ARCN1: variants seen among roughly 807,000 people sequenced by gnomAD.
ARCN1 encodes the protein archain 1 coat protein complex I subunit delta.
ARCN1 carries 5 observed loss-of-function variants against 60.4 expected under a neutral mutation model. The observed-to-expected ratio is 0.08, with a 90% CI of 0.04 to 0.17. The LOEUF (loss-of-function observed/expected upper bound fraction) is 0.17. ARCN1 is among the 10% of genes least tolerant of loss of function. ARCN1 has a pLI of 1.00. For synonymous variants in ARCN1, 224 were observed against 220.0 expected (o/e 1.02, Z -0.16); for missense variants, 464 against 626.5 (o/e 0.74, Z 2.77).
At chr11:118,584,796 A>C (rs1283732593) in intron 5 of ARCN1, 152 bp downstream of exon 5, 1 of 757,730 alleles carries the variant, frequency 1.3e-6, no homozygotes, top group African/African-American at 1.8e-5. Context: ...ACATATTAAC[A>C]TAAGATCGTT....
chr11:118,579,543 C>A (rs900448842), intron 1 of ARCN1, among the ~76,000 whole-genome samples: 1 of 148,042 alleles, frequency 6.8e-6, no homozygotes, highest in South Asian at 2.2e-4. Context: ...AAAAAATTAG[C>A]CGGGCGTGGT....
chr11:118,581,132 A>C, intron 1 of ARCN1, 114 bp from the exon 2 acceptor site: 13 of 1,338,480 alleles, frequency 9.7e-6, no homozygotes, highest in Non-Finnish European at 1.4e-5. Context: ...AAATAATACT[A>C]CTACTAGTCA....
At chr11:118,593,895 T>C (rs1555076740) in intron 8 of ARCN1, 197 bp downstream of exon 8, 3 of 421,486 alleles carry the variant, frequency 7.1e-6, no homozygotes, top group African/African-American at 2.0e-5. Context: ...AAGGTAATAC[T>C]ATTGAATAAA....
intron 8 of ARCN1, among the ~76,000 whole-genome samples, chr11:118,596,066 C>CAA (rs545024182): frequency 7.7e-6 from 1 of 130,094 alleles, no homozygotes; most frequent in Non-Finnish European, 1.7e-5. Context: ...GATTCCGTCT[C>CAA]AAAAAAAAAA....
chr11:118,593,223 C>T (rs1938951308), intron 7 of ARCN1, among the ~76,000 whole-genome samples: 1 of 151,504 alleles, frequency 6.6e-6, no homozygotes, highest in Non-Finnish European at 1.5e-5. Context: ...GCACATGCCA[C>T]CACATCCAGC....
rs1443586381 is a variant in ARCN1 at position 118,600,610 on chromosome 11, T to G, written c.1447-15T>G. ...AAACCTCCTGCTTTACCTTACTCTT[T>G]GTTTATTTTCCTAGGTTACCAAAGT... On this transcript the variant is annotated splice_polypyrimidine_tract_variant and intron_variant, in intron 9 of 9. Coordinates refer to ENST00000264028, the MANE Select transcript of ARCN1 (RefSeq NM_001655.5). 5 of 1,594,502 alleles carry G rather than the reference T, an allele frequency of 3.1e-6. No homozygotes were observed. The highest frequency in any genetic ancestry group is 4.3e-6 in the Non-Finnish European group (5 of 1,167,308).
intron 1 of ARCN1, among the ~76,000 whole-genome samples, chr11:118,576,426 T>TAAAAAAAAAAA (rs10671866): frequency 5.5e-5 from 6 of 108,770 alleles, no homozygotes; most frequent in Admixed American, 1.2e-4. Context: ...CCAAAAATGT[T>TAAAAAAAAAAA]AAAAAAAAAA....
chr11:118,598,002 T>C (rs920012993), intron 9 of ARCN1, 91 bp downstream of exon 9: 8 of 1,305,880 alleles, frequency 6.1e-6, no homozygotes, highest in Admixed American at 2.0e-5. Context: ...TGGCTTTTTG[T>C]GGTCAGATAA....
Position 118,583,245 on chromosome 11 carries a change from G to A in ARCN1, c.334G>A (p.Ala112Thr). 6.2e-7 allele frequency: 1 copy of A among 1,614,074 alleles called. No homozygotes were observed. Residue 112 changes from alanine (A) to threonine (T), a missense_variant, in exon 3 of 10, where the codon GCT becomes ACT. By Grantham distance (58) the Ala-to-Thr change is moderately conservative. Transcript: ENST00000264028. ...TGAGCACTGTTTTGATTTGATTTTT[G>A]CTTTTGATGAAATTGTCGCACTGGG... ...ISEHCFDLIF[A>T]FDEIVALGYR... is the part of the protein sequence containing the mutation.
intron 7 of ARCN1, among the ~76,000 whole-genome samples, 159 bp downstream of exon 7, chr11:118,593,015 C>T (rs1357318068): frequency 6.6e-6 from 1 of 152,156 alleles, no homozygotes; most frequent in Non-Finnish European, 1.5e-5. Flanking sequence ...ATATTTTTAT[C>T]ATTAGTTTTC....
At chr11:118,578,755 T>C (rs1938580109) in intron 1 of ARCN1, among the ~76,000 whole-genome samples, 1 of 152,018 alleles carries the variant, frequency 6.6e-6, no homozygotes, top group Non-Finnish European at 1.5e-5. Flanking sequence ...AAAAATCCAT[T>C]GCCTTGGCCG....
chr11:118,583,112 A>G (rs1042426243), intron 2 of ARCN1, 67 bp from the exon 3 acceptor site: 3 of 1,536,570 alleles, frequency 2.0e-6, no homozygotes, highest in South Asian at 2.3e-5. Flanking sequence ...ACTCTAAAGG[A>G]TAAGACTTGG....
At chr11:118,582,725 TA>T (rs1206435516) in intron 2 of ARCN1, among the ~76,000 whole-genome samples, 1,046 of 100,842 alleles carry the variant, frequency 0.01, 4 homozygotes, top group African/African-American at 0.022. Context: ...GACTTTGTCT[TA>T]AAAAAAAAAA....
chr11:118,576,426 T>TTA (rs782579401), intron 1 of ARCN1, among the ~76,000 whole-genome samples: 1 of 108,778 alleles, frequency 9.2e-6, no homozygotes, highest in Non-Finnish European at 1.8e-5. Flanking sequence ...CCAAAAATGT[T>TTA]AAAAAAAAAA....
rs1044252933 is a variant in ARCN1 at position 118,602,740 on chromosome 11, T to C, written c.*2026T>C. ...TACTAATCCAGTTTTGTTTGAAAGT[T>C]GTTTGTCCGTATGATTTTTTAAAAG... On this transcript the variant is annotated 3_prime_UTR_variant, in exon 10 of 10. Transcript: ENST00000264028. 1 of 153,752 alleles carries C rather than the reference T, an allele frequency of 6.5e-6. No homozygotes were observed. The highest frequency in any genetic ancestry group is 6.5e-5 in the Admixed American group (1 of 15,286). The allele number at this position is 153,752 out of a possible 1,614,324, so 9.5% of individuals were successfully genotyped here. A position where few individuals can be genotyped will look rare whatever the true frequency, so the allele number is the denominator to read the frequency against.
intron 3 of ARCN1, 71 bp downstream of exon 3, chr11:118,583,429 T>A: frequency 6.9e-7 from 1 of 1,455,270 alleles, no homozygotes; most frequent in Non-Finnish European, 9.1e-7. Flanking sequence ...CTCATTTTCC[T>A]ATTTTTACTT....
intron 1 of ARCN1, among the ~76,000 whole-genome samples, chr11:118,576,366 A>G (rs529989886): frequency 4.7e-5 from 7 of 149,682 alleles, no homozygotes; most frequent in Middle Eastern, 3.4e-3. Context: ...TCACATCTGT[A>G]AGACAATCAA....
intron 3 of ARCN1, 87 bp downstream of exon 3, chr11:118,583,445 T>C (rs535975072): frequency 2.9e-6 from 4 of 1,401,692 alleles, no homozygotes; most frequent in Admixed American, 2.7e-5. Flanking sequence ...TACTTACTAA[T>C]GTAGACTGTA....
chr11:118,584,797 T>G (rs1238040643), intron 5 of ARCN1, among the ~76,000 whole-genome samples, 153 bp downstream of exon 5: 1 of 152,182 alleles, frequency 6.6e-6, no homozygotes, highest in Non-Finnish European at 1.5e-5. Context: ...CATATTAACA[T>G]AAGATCGTTT....
Sources: gnomAD v4.1 joint callset for allele counts (sites outside exome capture counted in the v4.1 genomes callset) on GRCh38, gnomAD v4.1.1 for gene constraint, MANE v1.5 for transcripts, NCBI Gene and HGNC (gene_info 2026-07-23, HGNC 2026-07-21) for gene names.